Variants in PTPRN2 observed in about 807,000 individuals in gnomAD.
PTPRN2 encodes protein tyrosine phosphatase receptor type N2.
In PTPRN2, 74 loss-of-function variants were observed where a neutral mutation model predicts 118.8. The ratio of observed to expected loss-of-function variants is 0.62; its 90% CI spans 0.52 to 0.76. The LOEUF is 0.76. PTPRN2 is among the 30% of genes least tolerant of loss of function. The probability of loss-of-function intolerance (pLI) is 0.00; values close to 1 mark genes in which losing one functional copy is unlikely to be tolerated. For missense variants in PTPRN2, 1,481 were observed against 1,394.4 expected (o/e 1.06, Z -0.99); for synonymous variants, 641 against 608.0 (o/e 1.05, Z -0.80).
intron 2 of PTPRN2, among the ~76,000 whole-genome samples, chr7:158,318,940 A>C (rs1802577131): frequency 6.6e-6 from 1 of 152,222 alleles, no homozygotes; most frequent in African/African-American, 2.4e-5. Flanking sequence ...AACCTCATCA[A>C]ATCATTCAGC....
At chr7:158,479,119 A>G (rs1820476104) in intron 2 of PTPRN2, among the ~76,000 whole-genome samples, 1 of 152,082 alleles carries the variant, frequency 6.6e-6, no homozygotes, top group Non-Finnish European at 1.5e-5. Flanking sequence ...ACCGAGGTGC[A>G]AAGTGGCTGC....
chr7:157,778,396 G>A (rs1001607948), intron 12 of PTPRN2, among the ~76,000 whole-genome samples: 1 of 152,016 alleles, frequency 6.6e-6, no homozygotes, highest in Non-Finnish European at 1.5e-5. Context: ...TACAGGTGTT[G>A]AATGCCCACG....
rs753508086 is a variant in PTPRN2 at position 157,987,539 on chromosome 7, A to G, written c.1724-88802T>C. On this transcript the variant is annotated intron_variant, in intron 11 of 22. Coordinates refer to ENST00000389418, the MANE Select transcript of PTPRN2 (RefSeq NM_002847.5). This position sits in a 1 kb window ranked among gnomAD's most constrained non-coding sequence, Gnocchi z 4.3. ...ATAAGAGACTTCCCAGGGGCAGAGC[A>G]GACCCGGTGGACAGCAGGAGCTGCC... Among the ~76,000 whole-genome samples, 1 of 152,166 alleles carries G rather than the reference A, an allele frequency of 6.6e-6. No homozygotes were observed. The highest frequency in any genetic ancestry group is 1.5e-5 in the Non-Finnish European group (1 of 68,018).
intron 12 of PTPRN2, among the ~76,000 whole-genome samples, chr7:157,821,116 C>A (rs1038402042): frequency 1.3e-5 from 2 of 152,230 alleles, no homozygotes; most frequent in Non-Finnish European, 2.9e-5. Flanking sequence ...ATGACACACC[C>A]AGCATCCTTG....
In PTPRN2 at chr7:158,270,834, G is replaced by GCC. The variant is rs1228566587; in HGVS notation, c.277+45984_277+45985insGG. Among the ~76,000 whole-genome samples, 72 of 7,668 alleles carry GCC rather than the reference G, an allele frequency of 9.4e-3. 4 individuals are homozygous for GCC. The highest frequency in any genetic ancestry group is 0.01 in the Non-Finnish European group (37 of 3,618). 5.0% of individuals were successfully genotyped at this position (7,668 alleles called of 152,430 possible). A position where few individuals can be genotyped will look rare whatever the true frequency, so the allele number is the denominator to read the frequency against. ...CCTGGACCGCCCCCTCCACCTGGAT[G>GCC]ACCCCCTCACCTGGACCGCCCCCCC... On this transcript the variant is annotated intron_variant, in intron 3 of 22. Transcript: ENST00000389418.
intron 12 of PTPRN2, among the ~76,000 whole-genome samples, chr7:157,756,444 C>T (rs760328275): frequency 7.2e-5 from 11 of 152,074 alleles, no homozygotes; most frequent in African/African-American, 1.4e-4. Flanking sequence ...TACAGGTGTC[C>T]GTCACCACGC....
At position 158,569,668 on chromosome 7, in the gene PTPRN2, A is replaced by ACTGACAGGAACGGGGGGCGCGAGGCCGC. The variant is rs1827870088; in HGVS notation, c.112+17889_112+17890insGCGGCCTCGCGCCCCCCGTTCCTGTCAG. Among the ~76,000 whole-genome samples the ACTGACAGGAACGGGGGGCGCGAGGCCGC allele has an allele frequency of 8.0e-5, 9 of 112,846 alleles. 1 individual carries two copies. The highest frequency in any genetic ancestry group is 3.1e-4 in the African/African-American group (9 of 28,672). The allele number at this position is 112,846 out of a possible 152,430, so 74.0% of individuals were successfully genotyped here. A position where few individuals can be genotyped will look rare whatever the true frequency, so the allele number is the denominator to read the frequency against. On this transcript the variant is annotated intron_variant, in intron 1 of 22. Coordinates refer to ENST00000389418, the MANE Select transcript of PTPRN2 (RefSeq NM_002847.5). ...AGAACGCGGGGCGCGAGGCCGCCTAACTGACAGGAACGCGGGGCGCGAGGC... is the reference window on the plus strand; with the variant it reads ...AGAACGCGGGGCGCGAGGCCGCCTAACTGACAGGAACGGGGGGCGCGAGGCCGCCTGACAGGAACGCGGGGCGCGAGGC...
At chr7:157,983,824 G>A (rs1803504232) in intron 11 of PTPRN2, among the ~76,000 whole-genome samples, 1 of 152,234 alleles carries the variant, frequency 6.6e-6, no homozygotes, top group Non-Finnish European at 1.5e-5. Context: ...ACGTAATGCA[G>A]TTCATCAGCT....
At chr7:158,317,590 C>T (rs146112222) in intron 2 of PTPRN2, among the ~76,000 whole-genome samples, 4 of 152,196 alleles carry the variant, frequency 2.6e-5, no homozygotes, top group Non-Finnish European at 5.9e-5. Context: ...CTTTATTCGG[C>T]GAATTGTTCA....
At chr7:157,888,598 G>A (rs576567880) in intron 12 of PTPRN2, among the ~76,000 whole-genome samples, 1 of 117,124 alleles carries the variant, frequency 8.5e-6, no homozygotes, top group East Asian at 2.9e-4. Flanking sequence ...CCCAAACACA[G>A]GCCCTCATCT....
intron 2 of PTPRN2, among the ~76,000 whole-genome samples, chr7:158,328,229 CA>C (rs1273644462): frequency 5.3e-5 from 8 of 152,162 alleles, no homozygotes; most frequent in African/African-American, 1.9e-4. Flanking sequence ...TCCTGAGAGA[CA>C]GCAATGGCTT....
intron 12 of PTPRN2, among the ~76,000 whole-genome samples, chr7:157,815,378 C>G (rs1806330817): frequency 6.6e-6 from 1 of 152,156 alleles, no homozygotes; most frequent in South Asian, 2.1e-4. Flanking sequence ...CTCCGCGCAT[C>G]AGTGTGGTCA....
intron 2 of PTPRN2, among the ~76,000 whole-genome samples, chr7:158,371,414 TTA>T (rs1310451556): frequency 1.3e-5 from 2 of 152,184 alleles, no homozygotes; most frequent in East Asian, 1.9e-4. Flanking sequence ...AAATATATCC[TTA>T]TGTTTTATTT....
In PTPRN2 at chr7:158,107,906, C is replaced by T. The variant is rs72505551; in HGVS notation, c.1643+2923G>A. Among the ~76,000 whole-genome samples the T allele has an allele frequency of 1.4e-3, 211 of 151,486 alleles. 3 individuals carry two copies. The East Asian group carries it at 0.032, about 23-fold the overall frequency. ...GTCTGCCCACAGCAGGCCCATGTAC[C>T]TGCCCCCTCTCTCACATGGATCTGG... is the stretch of plus-strand genomic sequence containing the variant. On this transcript the variant is annotated intron_variant, in intron 10 of 22. Transcript: ENST00000389418.
chr7:157,621,653 G>A (rs1409085738), intron 14 of PTPRN2, 144 bp from the exon 15 acceptor site: 4 of 984,796 alleles, frequency 4.1e-6, no homozygotes, highest in Non-Finnish European at 6.1e-6. Context: ...GCGACGTTGT[G>A]CTACGGTGCA....
In PTPRN2 at chr7:158,351,521, A is replaced by G. The variant is rs6974592; in HGVS notation, c.164-34589T>C. On this transcript the variant is annotated intron_variant, in intron 2 of 22. Transcript: ENST00000389418. ...TTTGTGAAAGTAAGTGGCCTTTTAA[A>G]GAATGCTAAAACATTACGGGCACTT... Among the ~76,000 whole-genome samples the G allele has an allele frequency of 7.3e-3, 1,118 of 152,320 alleles. 13 individuals carry two copies. Among genetic ancestry groups the G allele is most frequent in the African/African-American group, 0.026 (1,065 of 41,554 alleles).
At chr7:157,614,294 C>T (rs1239428211) in intron 15 of PTPRN2, among the ~76,000 whole-genome samples, 1 of 151,668 alleles carries the variant, frequency 6.6e-6, no homozygotes, top group African/African-American at 2.4e-5. Flanking sequence ...TCTTGGGAAA[C>T]GGGGGTTCTG....
intron 2 of PTPRN2, among the ~76,000 whole-genome samples, chr7:158,467,431 T>G (rs2129443840): frequency 1.3e-5 from 2 of 152,330 alleles, no homozygotes; most frequent in Middle Eastern, 6.8e-3. Context: ...ATGGTTTCCT[T>G]TACCGCACGG....
At chr7:158,308,616 G>C (rs1417187002) in intron 3 of PTPRN2, among the ~76,000 whole-genome samples, 1 of 132,420 alleles carries the variant, frequency 7.6e-6, no homozygotes, top group East Asian at 1.9e-4. Context: ...AAATGACAGA[G>C]AGTGTTTGAA....
Sources: gnomAD v4.1 joint callset for allele counts (sites outside exome capture counted in the v4.1 genomes callset) on GRCh38, gnomAD v4.1.1 for gene constraint, Gnocchi (gnomAD v3.1) non-coding constraint, MANE v1.5 for transcripts, NCBI Gene and HGNC (gene_info 2026-07-23, HGNC 2026-07-21) for gene names.